Variants in CAMTA1 observed in about 807,000 individuals in gnomAD.
CAMTA1 encodes the protein calmodulin-binding transcription activator 1.
A neutral mutation model predicts 170.9 loss-of-function variants in CAMTA1; 27 were observed. That is an observed-to-expected ratio of 0.16 (90% confidence interval 0.12 to 0.22). The LOEUF (loss-of-function observed/expected upper bound fraction) is 0.22. Ranked by LOEUF, CAMTA1 falls within the 10% of genes least tolerant of loss-of-function variation. The probability of loss-of-function intolerance (pLI) is 1.00; values close to 1 mark genes in which losing one functional copy is unlikely to be tolerated. For synonymous variants in CAMTA1, 833 were observed against 891.5 expected, an observed-to-expected ratio of 0.93 and a Z score of 1.17; for missense variants, 1,619 against 2,217.2, an observed-to-expected ratio of 0.73 and a Z score of 5.42.
intron 3 of CAMTA1, among the ~76,000 whole-genome samples, chr1:6,835,696 C>T (rs1652746843): frequency 6.6e-6 from 1 of 152,224 alleles, no homozygotes; most frequent in South Asian, 2.1e-4. Context: ...TCAGCTTTGC[C>T]ATCCCCATAC....
At chr1:6,818,828 GT>G (rs1646140768) in intron 1 of CAMTA1, among the ~76,000 whole-genome samples, 1 of 151,966 alleles carries the variant, frequency 6.6e-6, no homozygotes, top group African/African-American at 2.4e-5. Context: ...TTTGGTAGAG[GT>G]GAGGTTTTGC....
chr1:6,845,322 C>G (rs938410104), intron 3 of CAMTA1, among the ~76,000 whole-genome samples: 1 of 152,204 alleles, frequency 6.6e-6, no homozygotes, highest in African/African-American at 2.4e-5. Flanking sequence ...CTGGAACCCT[C>G]TGGCATCTCC....
chr1:7,498,091 C>T (rs1264054394), intron 6 of CAMTA1, among the ~76,000 whole-genome samples: 2 of 151,884 alleles, frequency 1.3e-5, no homozygotes, highest in Non-Finnish European at 2.9e-5. Flanking sequence ...GGGGAGCATC[C>T]TGAGGAGAGG....
At chr1:7,349,770 T>A (rs374346323) in intron 5 of CAMTA1, among the ~76,000 whole-genome samples, 5 of 152,320 alleles carry the variant, frequency 3.3e-5, no homozygotes, top group African/African-American at 9.6e-5. Context: ...AAAGGTCACA[T>A]TCATAGGTTC....
intron 6 of CAMTA1, among the ~76,000 whole-genome samples, chr1:7,629,376 T>G (rs2095653725): frequency 6.6e-6 from 1 of 152,162 alleles, no homozygotes; most frequent in Admixed American, 6.5e-5. Flanking sequence ...CTTGCACAAC[T>G]CCTTATGGAT....
chr1:7,655,519 C>G (rs1036936051), intron 7 of CAMTA1, among the ~76,000 whole-genome samples: 1 of 78,994 alleles, frequency 1.3e-5, no homozygotes, highest in South Asian at 4.4e-4. Flanking sequence ...CACCTATGTA[C>G]ACACCCACAC....
At chr1:7,614,979 C>G (rs1460799660) in intron 6 of CAMTA1, among the ~76,000 whole-genome samples, 1 of 152,254 alleles carries the variant, frequency 6.6e-6, no homozygotes, top group African/African-American at 2.4e-5. Context: ...ACCGCTGCTT[C>G]TTCCTGCTGC....
At chr1:6,818,996 G>A (rs921676211) in intron 1 of CAMTA1, among the ~76,000 whole-genome samples, 4 of 151,680 alleles carry the variant, frequency 2.6e-5, no homozygotes, top group Non-Finnish European at 5.9e-5. Context: ...GCCCAGGCTG[G>A]AGCAGGAGTG....
chr1:7,705,537 C>A (rs3011933), intron 11 of CAMTA1, among the ~76,000 whole-genome samples: 1 of 149,604 alleles, frequency 6.7e-6, no homozygotes, highest in Non-Finnish European at 1.5e-5. Flanking sequence ...GCTGGGGCGG[C>A]GTCGGGGCGC....
chr1:7,672,004 C>T (rs2096064522), intron 10 of CAMTA1: 1 of 456,188 alleles, frequency 2.2e-6, no homozygotes, highest in East Asian at 6.9e-5. Context: ...GTCTTCTGCT[C>T]CTGGGCTGTT....
chr1:7,677,513 G>A lies in CAMTA1; in HGVS notation c.2780-86G>A, dbSNP rs1485825568. ...GACATTAACCAATGAAGGGTAGTGG[G>A]GAGGGGACATTCCAGGCCCTGTGTG... is the stretch of plus-strand genomic sequence containing the variant. On this transcript the variant is annotated intron_variant, in intron 10 of 22. Coordinates refer to ENST00000303635, the MANE Select transcript of CAMTA1 (RefSeq NM_015215.4). 2.1e-6 allele frequency: 3 copies of A among 1,436,454 alleles called. No individual in the cohort carries two copies. In the African/African-American group the frequency reaches 4.2e-5, roughly 20 times the overall value. 89.0% of individuals were successfully genotyped at this position (1,436,454 alleles called of 1,614,324 possible).
Position 6,805,399 on chromosome 1 carries a change from G to A in CAMTA1, c.46-14782G>A, listed in dbSNP as rs555404945. On this transcript the variant is annotated intron_variant, in intron 1 of 22. Transcript: ENST00000303635. ...TTGAATTTTTGCTGTTCAGTTGTAG[G>A]AATTCTTTATATGTGTTCTAGATAT... is the stretch of plus-strand genomic sequence containing the variant. Among the ~76,000 whole-genome samples the A allele has an allele frequency of 4.6e-5, 7 of 152,282 alleles. No homozygotes were observed. The East Asian group carries it at 1.3e-3, about 29-fold the overall frequency.
chr1:7,449,706 G>T (rs1311150205), intron 5 of CAMTA1, among the ~76,000 whole-genome samples: 4 of 146,272 alleles, frequency 2.7e-5, no homozygotes, highest in Non-Finnish European at 6.0e-5. Context: ...GGAGGTGGAG[G>T]TTGCAGTGAG....
chr1:7,276,303 A>ATATATTTTTTT, intron 5 of CAMTA1, among the ~76,000 whole-genome samples: 33 of 24,216 alleles, frequency 1.4e-3, no homozygotes, highest in African/African-American at 3.0e-3. Context: ...ATATATATAT[A>ATATATTTTTTT]TTTTTTTTTT....
chr1:7,011,362 T>TA (rs2100781793), intron 3 of CAMTA1, among the ~76,000 whole-genome samples: 1 of 152,200 alleles, frequency 6.6e-6, no homozygotes, highest in African/African-American at 2.4e-5. Flanking sequence ...GTAACTACTT[T>TA]AAAAAACCCT....
At chr1:7,749,371 T>A (rs1410295944) in intron 19 of CAMTA1, among the ~76,000 whole-genome samples, 2 of 152,084 alleles carry the variant, frequency 1.3e-5, no homozygotes, top group Non-Finnish European at 2.9e-5. Context: ...AAAAGGAAGG[T>A]TTATTGTGCA....
intron 7 of CAMTA1, among the ~76,000 whole-genome samples, chr1:7,652,220 A>AC (rs1198181762): frequency 1.1e-4 from 16 of 152,168 alleles, no homozygotes; most frequent in African/African-American, 3.6e-4. Context: ...CAAGACCAGC[A>AC]CATGCCTCAG....
At chr1:7,351,979 G>T (rs925395983) in intron 5 of CAMTA1, among the ~76,000 whole-genome samples, 1 of 152,196 alleles carries the variant, frequency 6.6e-6, no homozygotes, top group Non-Finnish European at 1.5e-5. Context: ...TAATATGCCT[G>T]CCATGAAACA....
chr1:7,441,847 T>C (rs1243616574), intron 5 of CAMTA1, among the ~76,000 whole-genome samples: 1 of 152,202 alleles, frequency 6.6e-6, no homozygotes, highest in Non-Finnish European at 1.5e-5. Flanking sequence ...GGTAGGATCA[T>C]GCCCACTTCT....
Sources: allele counts gnomAD v4.1 joint callset (sites outside exome capture counted in the v4.1 genomes callset), GRCh38; gene constraint gnomAD v4.1.1; transcripts MANE v1.5; gene names NCBI Gene and HGNC (gene_info 2026-07-23, HGNC 2026-07-21).